Variants in NEGR1 observed in about 807,000 individuals in gnomAD.
The protein encoded by NEGR1 is IgLON family member 4.
NEGR1 carries 10 observed loss-of-function variants against 40.9 expected under a neutral mutation model. That is an observed-to-expected ratio of 0.24 (90% CI 0.15 to 0.42). The LOEUF (loss-of-function observed/expected upper bound fraction) is 0.42. NEGR1 is among the 10% of genes least tolerant of loss of function. The probability of loss-of-function intolerance (pLI) is 1.00; values close to 1 mark genes in which losing one functional copy is unlikely to be tolerated. For missense variants in NEGR1, 352 were observed against 438.9 expected (o/e 0.80, Z 1.77); for synonymous variants, 185 against 166.8 (o/e 1.11, Z -0.84).
chr1:71,557,022 G>T (rs1020182828), intron 6 of NEGR1, among the ~76,000 whole-genome samples: 1 of 151,598 alleles, frequency 6.6e-6, no homozygotes, highest in Non-Finnish European at 1.5e-5. Context: ...AAGGCTATGA[G>T]TTGGAATGGT....
chr1:71,415,384 T>A (rs2101268853), intron 6 of NEGR1, among the ~76,000 whole-genome samples: 1 of 152,166 alleles, frequency 6.6e-6, no homozygotes, highest in Middle Eastern at 3.4e-3. Context: ...CATCCTTAAG[T>A]CCCATTCTGC....
intron 1 of NEGR1, among the ~76,000 whole-genome samples, chr1:72,161,676 C>CTTTTTTTTTTT (rs779074685): frequency 1.7e-4 from 14 of 84,556 alleles, no homozygotes; most frequent in African/African-American, 2.5e-4. Flanking sequence ...TTCTTTCTTT[C>CTTTTTTTTTTT]TTTTTTTTTT....
intron 3 of NEGR1, among the ~76,000 whole-genome samples, chr1:71,713,136 C>T (rs1159551265): frequency 6.6e-6 from 1 of 152,178 alleles, no homozygotes; most frequent in East Asian, 1.9e-4. Context: ...AACAACTGTT[C>T]CTTTGGTGGT....
intron 3 of NEGR1, among the ~76,000 whole-genome samples, chr1:71,717,043 T>G (rs1272428417): frequency 6.6e-6 from 1 of 152,226 alleles, no homozygotes; most frequent in Non-Finnish European, 1.5e-5. Context: ...TTTATGTCGT[T>G]GTTTCCAGCT....
chr1:72,049,293 C>G (rs1208811550), intron 1 of NEGR1, among the ~76,000 whole-genome samples: 1 of 151,532 alleles, frequency 6.6e-6, no homozygotes, highest in East Asian at 1.9e-4. Context: ...GTGAGCTATT[C>G]ACTACTGCAT....
At chr1:71,561,472 A>G (rs1648457500) in intron 6 of NEGR1, among the ~76,000 whole-genome samples, 1 of 151,700 alleles carries the variant, frequency 6.6e-6, no homozygotes, top group Non-Finnish European at 1.5e-5. Flanking sequence ...AGATAAGTAG[A>G]CGATACTTGC....
intron 3 of NEGR1, among the ~76,000 whole-genome samples, chr1:71,730,203 ATAT>A (rs773542608): frequency 6.6e-6 from 1 of 152,100 alleles, no homozygotes. Context: ...TTTGGAGAAA[ATAT>A]TATTTGTTCA....
At chr1:71,970,954 G>T (rs764044178) in intron 1 of NEGR1, among the ~76,000 whole-genome samples, 6 of 152,114 alleles carry the variant, frequency 3.9e-5, no homozygotes, top group Admixed American at 2.0e-4. Flanking sequence ...CAAAACCTCA[G>T]AATTTTACCT....
At chr1:72,237,520 T>A (rs1654589961) in intron 1 of NEGR1, among the ~76,000 whole-genome samples, 1 of 151,946 alleles carries the variant, frequency 6.6e-6, no homozygotes, top group South Asian at 2.1e-4. Flanking sequence ...ACCGTCACCT[T>A]CAGGCTTAAG....
intron 1 of NEGR1, among the ~76,000 whole-genome samples, chr1:72,143,883 C>T (rs1415801018): frequency 2.4e-5 from 3 of 126,124 alleles, no homozygotes; most frequent in Admixed American, 8.9e-5. Context: ...ATCATATATT[C>T]ATATATATAT....
intron 6 of NEGR1, among the ~76,000 whole-genome samples, chr1:71,414,852 G>T (rs1044585331): frequency 1.3e-5 from 2 of 152,152 alleles, no homozygotes; most frequent in Non-Finnish European, 2.9e-5. Flanking sequence ...GTCTCCTGGA[G>T]TGCAGAGAGG....
chr1:71,563,917 G>A (rs1295177342), intron 6 of NEGR1, among the ~76,000 whole-genome samples: 1 of 151,610 alleles, frequency 6.6e-6, no homozygotes, highest in Non-Finnish European at 1.5e-5. Context: ...CTGACTATAG[G>A]TGACAGACGA....
chr1:71,469,803 A>T lies in NEGR1; in HGVS notation c.941-62233T>A, dbSNP rs557593880. ...ATTAAAAAGGTAGTATGTCTCTGAG[A>T]GGCTTAAGTCAAGCATGCTAAGTTA... On this transcript the variant is annotated intron_variant, in intron 6 of 6. Coordinates refer to ENST00000357731, the MANE Select transcript of NEGR1 (RefSeq NM_173808.3). Among the ~76,000 whole-genome samples, 35 of 152,228 alleles carry T rather than the reference A, an allele frequency of 2.3e-4. 1 individual carries two copies. Among genetic ancestry groups the T allele is most frequent in the Admixed American group, 2.0e-3 (31 of 15,260 alleles).
chr1:71,431,944 G>T (rs1646472032), intron 6 of NEGR1, among the ~76,000 whole-genome samples: 1 of 152,162 alleles, frequency 6.6e-6, no homozygotes, highest in African/African-American at 2.4e-5. Flanking sequence ...GACCTGGTTA[G>T]TGCTAAGGCC....
At chr1:71,839,555 C>T (rs1659164760) in intron 2 of NEGR1, among the ~76,000 whole-genome samples, 1 of 151,862 alleles carries the variant, frequency 6.6e-6, no homozygotes, top group African/African-American at 2.4e-5. Flanking sequence ...TCAAAGGCAC[C>T]AGGGCTTTCT....
chr1:71,917,561 C>A (rs1446588683), intron 2 of NEGR1, among the ~76,000 whole-genome samples: 1 of 151,716 alleles, frequency 6.6e-6, no homozygotes, highest in Non-Finnish European at 1.5e-5. Context: ...GAGGCGGAGG[C>A]GGGCGGATCA....
intron 4 of NEGR1, among the ~76,000 whole-genome samples, chr1:71,641,726 G>C (rs1226518602): frequency 6.6e-6 from 1 of 151,990 alleles, no homozygotes; most frequent in Non-Finnish European, 1.5e-5. Flanking sequence ...AGCAGGTGCG[G>C]TACACACTAC....
rs548818428 is a variant in NEGR1, at chr1:72,067,416, G to A, written c.177-132105C>T. On this transcript the variant is annotated intron_variant, in intron 1 of 6. Transcript: ENST00000357731. ...GTCATACCTAGAGCAGCAAACAGAAGATAAAATGCATATTCTAACAGTATA... is the reference window on the plus strand; with the variant it reads ...GTCATACCTAGAGCAGCAAACAGAAAATAAAATGCATATTCTAACAGTATA... 2.2e-4 allele frequency among the ~76,000 whole-genome samples: 33 copies of A among 152,060 alleles called. No homozygotes were observed. In the South Asian group the frequency reaches 6.4e-3, roughly 30 times the overall value.
At chr1:71,567,779 G>A (rs559910964) in intron 6 of NEGR1, among the ~76,000 whole-genome samples, 10 of 151,984 alleles carry the variant, frequency 6.6e-5, no homozygotes, top group Non-Finnish European at 1.3e-4. Flanking sequence ...ATTAGGAACT[G>A]GGGTTTTGGG....
Sources: gnomAD v4.1 joint callset for allele counts (sites outside exome capture counted in the v4.1 genomes callset) on GRCh38, gnomAD v4.1.1 for gene constraint, MANE v1.5 for transcripts, NCBI Gene and HGNC (gene_info 2026-07-23, HGNC 2026-07-21) for gene names.